Variants in CREB5 observed in about 807,000 individuals in gnomAD.
CREB5 encodes cAMP responsive element binding protein 5.
A neutral mutation model predicts 57.1 loss-of-function variants in CREB5; 19 were observed. That is an observed-to-expected ratio of 0.33 (90% CI 0.23 to 0.49). CREB5 has a LOEUF of 0.49. Among genes scored for constraint, CREB5 ranks in the 20% least tolerant of loss-of-function variants. The probability of loss-of-function intolerance (pLI) is 0.99; values close to 1 mark genes in which losing one functional copy is unlikely to be tolerated. For synonymous variants in CREB5, 238 were observed against 238.3 expected (o/e 1.00, Z 0.01); for missense variants, 579 against 671.6 (o/e 0.86, Z 1.52).
chr7:28,399,227 T>C (rs1787397089), intron 1 of CREB5, among the ~76,000 whole-genome samples: 1 of 151,360 alleles, frequency 6.6e-6, no homozygotes, highest in Admixed American at 6.6e-5. Flanking sequence ...AATTTAAAAG[T>C]TCTATATGGC....
At chr7:28,697,894 A>AT (rs567540419) in intron 5 of CREB5, among the ~76,000 whole-genome samples, 19 of 152,170 alleles carry the variant, frequency 1.2e-4, no homozygotes, top group Non-Finnish European at 2.6e-4. Flanking sequence ...CAGGTTCTTG[A>AT]TTTTTAACAC....
intron 7 of CREB5, among the ~76,000 whole-genome samples, chr7:28,739,406 A>G (rs1804211992): frequency 6.6e-6 from 1 of 152,170 alleles, no homozygotes; most frequent in Non-Finnish European, 1.5e-5. Flanking sequence ...TTTTGGAGGG[A>G]GAATACAAAG....
intron 1 of CREB5, among the ~76,000 whole-genome samples, chr7:28,414,216 C>A (rs1404658095): frequency 6.6e-6 from 1 of 151,988 alleles, no homozygotes; most frequent in Admixed American, 6.6e-5. Flanking sequence ...TTAATGTGAT[C>A]CTGGCTGGTG....
At chr7:28,778,832 T>C (rs1806809149) in intron 7 of CREB5, 1 of 152,218 alleles carries the variant, frequency 6.6e-6, no homozygotes, top group Admixed American at 6.5e-5. Flanking sequence ...CATTCTTCAT[T>C]ATGAGTCAGA....
At chr7:28,466,832 G>C (rs1055634221) in intron 1 of CREB5, among the ~76,000 whole-genome samples, 1 of 152,162 alleles carries the variant, frequency 6.6e-6, no homozygotes, top group Admixed American at 6.5e-5. Flanking sequence ...GTGCTCATAT[G>C]GTTCTGGGCG....
chr7:28,386,305 T>C (rs1787102451), intron 1 of CREB5, among the ~76,000 whole-genome samples: 1 of 152,236 alleles, frequency 6.6e-6, no homozygotes, highest in Non-Finnish European at 1.5e-5. Flanking sequence ...ATTTTCTCTA[T>C]GTAAAATTCT....
intron 7 of CREB5, among the ~76,000 whole-genome samples, chr7:28,793,386 GAA>G (rs750738329): frequency 3.0e-4 from 45 of 152,178 alleles, no homozygotes; most frequent in Non-Finnish European, 5.6e-4. Context: ...CTTCTTACTA[GAA>G]AAAGTTTGAG....
At chr7:28,552,268 G>A (rs1267347531) in intron 4 of CREB5, among the ~76,000 whole-genome samples, 2 of 152,180 alleles carry the variant, frequency 1.3e-5, no homozygotes, top group African/African-American at 2.4e-5. Context: ...TAACTCCTGA[G>A]CTCGAGCAAT....
chr7:28,658,961 A>ATATATATATATATATG (rs1562554624), intron 5 of CREB5, among the ~76,000 whole-genome samples: 3 of 136,812 alleles, frequency 2.2e-5, no homozygotes, highest in South Asian at 2.2e-4. Flanking sequence ...GTGTATATAT[A>ATATATATATATATATG]TATATATATA....
At chr7:28,787,113 C>G (rs1807375584) in intron 7 of CREB5, among the ~76,000 whole-genome samples, 2 of 152,134 alleles carry the variant, frequency 1.3e-5, no homozygotes, top group Non-Finnish European at 2.9e-5. Context: ...GTTGGCAGAT[C>G]CTACCTGGAC....
At chr7:28,363,211 C>T (rs904495610) in intron 1 of CREB5, among the ~76,000 whole-genome samples, 3 of 152,128 alleles carry the variant, frequency 2.0e-5, no homozygotes, top group Non-Finnish European at 4.4e-5. Flanking sequence ...GGACAACTAA[C>T]TCTCTTCACT....
At chr7:28,365,579 A>G (rs2127992904) in intron 1 of CREB5, among the ~76,000 whole-genome samples, 1 of 152,218 alleles carries the variant, frequency 6.6e-6, no homozygotes, top group South Asian at 2.1e-4. Context: ...CCTTCATGGC[A>G]ACATTTATTG....
intron 4 of CREB5, among the ~76,000 whole-genome samples, chr7:28,530,187 A>G (rs760444750): frequency 1.6e-4 from 25 of 151,862 alleles, no homozygotes; most frequent in Non-Finnish European, 2.5e-4. Context: ...TTGCTTTTGA[A>G]TTGGTACACA....
intron 1 of CREB5, among the ~76,000 whole-genome samples, chr7:28,431,926 A>ATC (rs1345304256): frequency 2.0e-5 from 3 of 151,006 alleles, no homozygotes; most frequent in African/African-American, 7.3e-5. Context: ...TTAGATTTAC[A>ATC]TCTAAATGCA....
At chr7:28,450,978 C>A (rs187060359) in intron 1 of CREB5, among the ~76,000 whole-genome samples, 110 of 152,266 alleles carry the variant, frequency 7.2e-4, no homozygotes, top group Non-Finnish European at 8.8e-5. Flanking sequence ...AGAGGGGAAC[C>A]TGGCTCTTTG....
At chr7:28,300,301 G>A (rs775557494) in intron 1 of CREB5, among the ~76,000 whole-genome samples, 12 of 152,064 alleles carry the variant, frequency 7.9e-5, no homozygotes, top group Non-Finnish European at 1.5e-4. Flanking sequence ...TAATTTGCTT[G>A]TCTAATATTT....
rs569637738 is a variant in CREB5, at chr7:28,656,861, T to C, written c.465-61892T>C. Among the ~76,000 whole-genome samples, 1,028 of 151,988 alleles carry C rather than the reference T, an allele frequency of 6.8e-3. 14 individuals carry two copies. The highest frequency in any genetic ancestry group is 0.023 in the African/African-American group (956 of 41,260). ...TTTACATCTAAGAAGATTTTTTTTT[T>C]TCTCTTTTGAGGATCAGTTGTGACC... is the stretch of plus-strand genomic sequence containing the variant. On this transcript the variant is annotated intron_variant, in intron 5 of 10. Coordinates refer to ENST00000357727, the MANE Select transcript of CREB5 (RefSeq NM_182898.4).
At chr7:28,483,113 A>G (rs959366348) in intron 1 of CREB5, among the ~76,000 whole-genome samples, 10 of 152,190 alleles carry the variant, frequency 6.6e-5, no homozygotes, top group Non-Finnish European at 1.5e-4. Context: ...TGTTACCCTT[A>G]AGTTTACAAT....
intron 1 of CREB5, among the ~76,000 whole-genome samples, chr7:28,443,792 T>A (rs1789303862): frequency 6.6e-6 from 1 of 152,154 alleles, no homozygotes; most frequent in South Asian, 2.1e-4. Flanking sequence ...ATAATTCACT[T>A]ACGATGATGA....
Sources: gnomAD v4.1 joint callset for allele counts (sites outside exome capture counted in the v4.1 genomes callset) on GRCh38, gnomAD v4.1.1 for gene constraint, MANE v1.5 for transcripts, NCBI Gene and HGNC (gene_info 2026-07-23, HGNC 2026-07-21) for gene names.